The following GDAP1 variants were observed in gnomAD, a reference collection of about 807,000 sequenced individuals.
GDAP1 encodes the protein ganglioside-induced differentiation-associated protein 1.
Under a neutral mutation model 40.1 loss-of-function variants are expected in GDAP1, and 34 were observed. The observed-to-expected ratio is 0.85, with a 90% confidence interval of 0.64 to 1.13. GDAP1 has a LOEUF of 1.13. Among genes scored for constraint, GDAP1 ranks in the 50% most tolerant of loss-of-function variants. The pLI, the probability that GDAP1 is intolerant of heterozygous loss-of-function variation, is 0.00. For missense variants in GDAP1, 374 were observed against 433.7 expected, an observed-to-expected ratio of 0.86 and a Z score of 1.22; for synonymous variants, 170 against 157.4, an observed-to-expected ratio of 1.08 and a Z score of -0.60.
Position 74,360,243 on chromosome 8 carries a change from C to T in GDAP1, c.417C>T (p.Gly139=). The change falls in exon 3 of 6, where the codon GGC becomes GGT. Residue 139 remains glycine, a synonymous_variant. Transcript: ENST00000220822. ...TGCCAATGGATGCCTATACACATGG[C>T]TGCATTTTACATCCTGAGTTAACTG... ...DSLPMDAYTH[G]CILHPELTVD... The T allele has an allele frequency of 1.2e-6, 2 of 1,613,688 alleles. No individual in the cohort carries two copies.
At chr8:74,487,755 T>C (rs1451912333) in intron 2 of GDAP1, among the ~76,000 whole-genome samples, 1 of 152,166 alleles carries the variant, frequency 6.6e-6, no homozygotes, top group East Asian at 1.9e-4. Context: ...TTTGCCTCTT[T>C]AACTTAATCT....
intron 5 of GDAP1, 39 bp from the exon 6 acceptor site, chr8:74,363,946 T>A (rs956574578): frequency 1.3e-6 from 2 of 1,595,042 alleles, no homozygotes; most frequent in Non-Finnish European, 1.7e-6. Context: ...GTCTGTAGAG[T>A]GCTTGCCTCT....
rs1489435084 is a variant in GDAP1 at position 74,401,048 on chromosome 8, G to A, written c.165+49727G>A. ...TATGTGTCTTGGGGTTGCTCTTCTC[G>A]AGGAGTATCTTTGTGGCGTTCTCTG... On this transcript the variant is annotated intron_variant, in intron 2 of 2. Transcript: ENST00000523640. Among the ~76,000 whole-genome samples the A allele has an allele frequency of 1.2e-4, 18 of 149,030 alleles. 1 individual carries two copies. The highest frequency in any genetic ancestry group is 3.1e-4 in the African/African-American group (12 of 38,584).
In GDAP1 at chr8:74,364,084, G is replaced by T; in HGVS notation, c.794G>T (p.Arg265Met). The part of the protein sequence containing the change: ...LHRLKFLGFA[R>M]RNWGNGKRPN... ...CGACTGAAGTTCCTGGGGTTTGCAA[G>T]GAGAAACTGGGGAAACGGAAAGCGA... Residue 265 changes from arginine to methionine, a missense_variant, in exon 6 of 6, where the codon AGG (arginine) becomes ATG (methionine). Transcript: ENST00000220822. The T allele has an allele frequency of 1.2e-6, 2 of 1,614,154 alleles. No homozygotes were observed. The highest frequency in any genetic ancestry group is 1.7e-6 in the Non-Finnish European group (2 of 1,180,012).
In GDAP1 at chr8:74,364,755, G is replaced by T; in HGVS notation, c.*388G>T. On this transcript the variant is annotated 3_prime_UTR_variant, in exon 6 of 6. Transcript: ENST00000220822. Reference sequence around the variant, plus strand: ...ACACTTCTGTAATTGAGAACTCTTAGGAGAGGACTAGGGAATCACTGGGGA... The same window carrying T: ...ACACTTCTGTAATTGAGAACTCTTATGAGAGGACTAGGGAATCACTGGGGA... 1 of 459,612 alleles carries T rather than the reference G, an allele frequency of 2.2e-6. No individual in the cohort carries two copies. The highest frequency in any genetic ancestry group is 1.5e-5 in the South Asian group (1 of 64,530). 28.5% of individuals were successfully genotyped at this position (459,612 alleles called of 1,614,324 possible).
At chr8:74,371,569 A>G (rs1809750899), downstream of GDAP1, among the ~76,000 whole-genome samples, 1 of 151,784 alleles carries the variant, frequency 6.6e-6, no homozygotes, top group South Asian at 2.1e-4. Context: ...CTGAGGCAGG[A>G]GAATGGCGTG....
At chr8:74,446,430 G>C (rs955211208) in intron 2 of GDAP1, among the ~76,000 whole-genome samples, 5 of 152,102 alleles carry the variant, frequency 3.3e-5, no homozygotes, top group African/African-American at 1.2e-4. Context: ...GACCAGGCCA[G>C]GGAGCATGAA....
At chr8:74,466,149 G>A (rs1176794170) in intron 2 of GDAP1, among the ~76,000 whole-genome samples, 1 of 152,098 alleles carries the variant, frequency 6.6e-6, no homozygotes, top group Non-Finnish European at 1.5e-5. Flanking sequence ...AATATGCTTT[G>A]CAAAGATATG....
At chr8:74,438,100 C>T (rs1338895555) in intron 2 of GDAP1, among the ~76,000 whole-genome samples, 2 of 152,046 alleles carry the variant, frequency 1.3e-5, no homozygotes. Flanking sequence ...GAAACCCCGT[C>T]TCTACTAAAA....
chr8:74,417,162 C>T (rs1175091368), intron 2 of GDAP1, among the ~76,000 whole-genome samples: 1 of 149,212 alleles, frequency 6.7e-6, no homozygotes, highest in African/African-American at 2.6e-5. Context: ...ATCCACATAA[C>T]CAAAAGAATT....
intron 2 of GDAP1, among the ~76,000 whole-genome samples, chr8:74,485,208 G>A (rs556840479): frequency 6.6e-6 from 1 of 152,116 alleles, no homozygotes; most frequent in East Asian, 1.9e-4. Context: ...CCCATGATAC[G>A]ATTATGAAAT....
intron 2 of GDAP1, among the ~76,000 whole-genome samples, chr8:74,397,243 A>T (rs1171045776): frequency 1.4e-5 from 2 of 146,046 alleles, no homozygotes; most frequent in Non-Finnish European, 3.0e-5. Flanking sequence ...TTCATTGTAG[A>T]TTCTGGATAT....
In GDAP1 at chr8:74,365,800, A is replaced by T. The variant is rs1291511087; in HGVS notation, c.*1433A>T. The T allele has an allele frequency of 2.2e-6, 1 of 453,584 alleles. No homozygotes were observed. Among genetic ancestry groups the T allele is most frequent in the Non-Finnish European group, 4.4e-6 (1 of 226,634 alleles). 28.1% of individuals were successfully genotyped at this position (453,584 alleles called of 1,614,324 possible). A position where few individuals can be genotyped will look rare whatever the true frequency, so the allele number is the denominator to read the frequency against. On this transcript the variant is annotated 3_prime_UTR_variant, in exon 6 of 6. Coordinates refer to ENST00000220822, the MANE Select transcript of GDAP1 (RefSeq NM_018972.4). ...ATGTTCCCGATTTACAAAAAAATTA[A>T]TAAAACCTCCAGAGTAAACTCAGTC...
At chr8:74,477,313 G>A (rs1006190587) in intron 2 of GDAP1, among the ~76,000 whole-genome samples, 2 of 152,180 alleles carry the variant, frequency 1.3e-5, no homozygotes, top group Non-Finnish European at 2.9e-5. Flanking sequence ...ATCTCAGCCT[G>A]GTTAAGTACC....
At chr8:74,486,690 A>C (rs1806780216) in intron 2 of GDAP1, among the ~76,000 whole-genome samples, 1 of 152,174 alleles carries the variant, frequency 6.6e-6, no homozygotes, top group Non-Finnish European at 1.5e-5. Context: ...ATCTGACAAT[A>C]CACAAAATTA....
intron 2 of GDAP1, among the ~76,000 whole-genome samples, chr8:74,423,170 A>T (rs1805901294): frequency 6.8e-6 from 1 of 147,522 alleles, no homozygotes; most frequent in African/African-American, 2.5e-5. Flanking sequence ...TGTGTAAAAT[A>T]GTATGTCTTA....
At chr8:74,483,032 G>T (rs1408099775) in intron 2 of GDAP1, among the ~76,000 whole-genome samples, 1 of 152,118 alleles carries the variant, frequency 6.6e-6, no homozygotes, top group Non-Finnish European at 1.5e-5. Flanking sequence ...GCAAGCCCTG[G>T]CAGCTTAATC....
At chr8:74,391,472 G>T (rs1363537457) in intron 2 of GDAP1, among the ~76,000 whole-genome samples, 2 of 151,662 alleles carry the variant, frequency 1.3e-5, no homozygotes, top group Non-Finnish European at 2.9e-5. Flanking sequence ...GTGAGGTGAT[G>T]CCCCACCCTG....
chr8:74,366,421 TA>T lies in GDAP1; in HGVS notation c.*2062del, dbSNP rs746660568. The T allele has an allele frequency of 4.4e-6, 2 of 454,186 alleles. No individual in the cohort carries two copies. The highest frequency in any genetic ancestry group is 1.6e-5 in the South Asian group (1 of 64,438). The allele number at this position is 454,186 out of a possible 1,614,324, so 28.1% of individuals were successfully genotyped here. A position where few individuals can be genotyped will look rare whatever the true frequency, so the allele number is the denominator to read the frequency against. ...TCTTCATCAGATTATTCTTCTGTTT[TA>T]AAAAAAAGCTTGAGGCAAATGTGAG... On this transcript the variant is annotated 3_prime_UTR_variant, in exon 6 of 6. Coordinates refer to ENST00000220822, the MANE Select transcript of GDAP1 (RefSeq NM_018972.4).
Sources: gnomAD v4.1 joint callset for allele counts (sites outside exome capture counted in the v4.1 genomes callset) on GRCh38, gnomAD v4.1.1 for gene constraint, MANE v1.5 for transcripts, NCBI Gene and HGNC (gene_info 2026-07-23, HGNC 2026-07-21) for gene names.